The following SCFD2 variants were observed in gnomAD, a reference collection of about 807,000 sequenced individuals.
SCFD2 encodes sec1 family domain-containing protein 2.
In SCFD2, 54 loss-of-function variants were observed where a neutral mutation model predicts 58.9. The ratio of observed to expected loss-of-function variants is 0.92; its 90% CI spans 0.74 to 1.15. The LOEUF (loss-of-function observed/expected upper bound fraction) is 1.15, where lower values mean the gene tolerates loss of function less well. Among genes scored for constraint, SCFD2 ranks in the 50% most tolerant of loss-of-function variants. The pLI is 0.00. For missense variants in SCFD2, 805 were observed against 836.6 expected (o/e 0.96, Z 0.47); for synonymous variants, 321 against 335.9 (o/e 0.96, Z 0.49).
intron 4 of SCFD2, among the ~76,000 whole-genome samples, chr4:53,171,618 A>T (rs190595054): frequency 6.6e-6 from 1 of 152,344 alleles, no homozygotes; most frequent in Non-Finnish European, 1.5e-5. Context: ...TCAGCAATAA[A>T]GCCATCAGGT....
At chr4:53,154,973 G>A (rs758023124) in intron 4 of SCFD2, among the ~76,000 whole-genome samples, 45 of 152,210 alleles carry the variant, frequency 3.0e-4, no homozygotes, top group Non-Finnish European at 3.7e-4. Context: ...CTCTCCTAGA[G>A]CCTCCAGAAA....
intron 5 of SCFD2, among the ~76,000 whole-genome samples, chr4:52,965,637 T>A (rs1720946394): frequency 6.6e-6 from 1 of 152,230 alleles, no homozygotes; most frequent in African/African-American, 2.4e-5. Context: ...CCACTTCTGA[T>A]GTTCCATGCC....
At chr4:53,250,034 G>C (rs200499236) in intron 4 of SCFD2, among the ~76,000 whole-genome samples, 2 of 152,288 alleles carry the variant, frequency 1.3e-5, no homozygotes, top group African/African-American at 4.8e-5. Flanking sequence ...AGACCCATCA[G>C]TGTGCTGTAT....
At chr4:53,250,116 C>T (rs1465515594) in intron 4 of SCFD2, among the ~76,000 whole-genome samples, 1 of 152,012 alleles carries the variant, frequency 6.6e-6, no homozygotes, top group Admixed American at 6.5e-5. Context: ...ATCTACCAAG[C>T]AAATGGAAAA....
At chr4:53,153,832 C>T (rs1230707044) in intron 4 of SCFD2, among the ~76,000 whole-genome samples, 1 of 152,202 alleles carries the variant, frequency 6.6e-6, no homozygotes, top group South Asian at 2.1e-4. Context: ...AGCAACCATA[C>T]CACATCATGA....
chr4:53,041,418 T>C (rs1247276946), intron 5 of SCFD2, among the ~76,000 whole-genome samples: 1 of 152,212 alleles, frequency 6.6e-6, no homozygotes, highest in Non-Finnish European at 1.5e-5. Context: ...TAAGTTCCTC[T>C]AACTACCATT....
At chr4:53,363,594 G>A (rs1734609884) in intron 1 of SCFD2, among the ~76,000 whole-genome samples, 1 of 152,126 alleles carries the variant, frequency 6.6e-6, no homozygotes, top group Non-Finnish European at 1.5e-5. Context: ...AGCACTTTGG[G>A]AGGCCGAGGC....
intron 2 of SCFD2, among the ~76,000 whole-genome samples, chr4:53,315,916 G>C (rs772709346): frequency 3.3e-5 from 5 of 152,018 alleles, no homozygotes; most frequent in African/African-American, 1.2e-4. Flanking sequence ...TATGGACTCC[G>C]CAGTCAGATA....
chr4:53,204,197 C>T (rs1383820568), intron 4 of SCFD2, among the ~76,000 whole-genome samples: 1 of 152,036 alleles, frequency 6.6e-6, no homozygotes, highest in African/African-American at 2.4e-5. Flanking sequence ...TTTAGATCTC[C>T]ACTCTTAATC....
Position 53,365,650 on chromosome 4 carries a change from A to C in SCFD2, c.292T>G (p.Phe98Val), listed in dbSNP as rs2149178897. 6.2e-7 allele frequency: 1 copy of C among 1,614,192 alleles called. No homozygotes were observed. The highest frequency in any genetic ancestry group is 8.5e-7 in the Non-Finnish European group (1 of 1,180,040). Residue 98 changes from phenylalanine to valine, a missense_variant, in exon 1 of 9, where the codon TTC becomes GTC. By Grantham distance (50) the Phe-to-Val change is conservative. Transcript: ENST00000401642. The surrounding 1 kb of genome is among the most constrained non-coding windows in gnomAD (Gnocchi z 4.3). Reference protein sequence around the residue: ...ILRDIICRSHFQYCVVVTTVS... With the variant: ...ILRDIICRSHVQYCVVVTTVS... ...GTTGTGACCACCACACAATACTGGAAGTGACTGCGGCAGATGATGTCCCGT... is the reference window on the plus strand; with the variant it reads ...GTTGTGACCACCACACAATACTGGACGTGACTGCGGCAGATGATGTCCCGT...
At chr4:53,004,803 G>C (rs1721937350) in intron 5 of SCFD2, among the ~76,000 whole-genome samples, 1 of 152,148 alleles carries the variant, frequency 6.6e-6, no homozygotes, top group African/African-American at 2.4e-5. Flanking sequence ...AAGACAGTCA[G>C]GGAAACTGCT....
At chr4:53,285,328 G>T (rs1475218295) in intron 3 of SCFD2, among the ~76,000 whole-genome samples, 1 of 151,956 alleles carries the variant, frequency 6.6e-6, no homozygotes, top group Non-Finnish European at 1.5e-5. Context: ...TTACCAGGCT[G>T]CCAGGGAAAC....
chr4:52,963,546 C>T (rs1254196885), intron 5 of SCFD2, among the ~76,000 whole-genome samples: 1 of 152,138 alleles, frequency 6.6e-6, no homozygotes, highest in Admixed American at 6.5e-5. Flanking sequence ...ACCACCCTGC[C>T]CTGTTCCTTA....
intron 4 of SCFD2, among the ~76,000 whole-genome samples, chr4:53,215,363 C>G (rs1728784300): frequency 1.3e-5 from 2 of 152,042 alleles, no homozygotes; most frequent in Admixed American, 1.3e-4. Context: ...TGAAGAGGTC[C>G]TTCACGTCCC....
At chr4:53,214,148 T>C (rs1222419182) in intron 4 of SCFD2, among the ~76,000 whole-genome samples, 1 of 152,154 alleles carries the variant, frequency 6.6e-6, no homozygotes, top group Non-Finnish European at 1.5e-5. Flanking sequence ...CAGCATGATA[T>C]ATACTCCTTT....
chr4:52,979,752 A>T (rs1208196331), intron 5 of SCFD2, among the ~76,000 whole-genome samples: 1 of 152,202 alleles, frequency 6.6e-6, no homozygotes, highest in Non-Finnish European at 1.5e-5. Flanking sequence ...TTTGGAAAGC[A>T]GTTAGAGACA....
intron 5 of SCFD2, among the ~76,000 whole-genome samples, chr4:52,972,982 A>G (rs1391524639): frequency 6.6e-6 from 1 of 152,246 alleles, no homozygotes; most frequent in African/African-American, 2.4e-5. Context: ...GAACAAAGAC[A>G]CAACATACCG....
At chr4:52,948,321 G>A (rs890506985) in intron 5 of SCFD2, 2 of 290,464 alleles carry the variant, frequency 6.9e-6, no homozygotes, top group Admixed American at 4.3e-5. Flanking sequence ...ACATCCATGA[G>A]CCCCCAAAGA....
chr4:52,896,641 TG>T (rs1188343425), intron 7 of SCFD2, among the ~76,000 whole-genome samples: 1 of 152,124 alleles, frequency 6.6e-6, no homozygotes, highest in Non-Finnish European at 1.5e-5. Flanking sequence ...CTTGGCGATG[TG>T]GGCTCTTTTT....
Sources: gnomAD v4.1 joint callset for allele counts (sites outside exome capture counted in the v4.1 genomes callset) on GRCh38, gnomAD v4.1.1 for gene constraint, Gnocchi (gnomAD v3.1) non-coding constraint, MANE v1.5 for transcripts, NCBI Gene and HGNC (gene_info 2026-07-23, HGNC 2026-07-21) for gene names.